NECTIN3: variants seen among roughly 807,000 people sequenced by gnomAD.
The protein encoded by NECTIN3 is nectin-3.
In NECTIN3, 8 loss-of-function variants were observed where a neutral mutation model predicts 49.4. The observed-to-expected ratio is 0.16, with a 90% CI of 0.10 to 0.29. The LOEUF (loss-of-function observed/expected upper bound fraction) is 0.29, where lower values mean the gene tolerates loss of function less well. Ranked by LOEUF, NECTIN3 falls within the 10% of genes least tolerant of loss-of-function variation. The pLI is 1.00. For missense variants in NECTIN3, 581 were observed against 654.6 expected (o/e 0.89, Z 1.23); for synonymous variants, 277 against 241.1 (o/e 1.15, Z -1.38).
In NECTIN3 at chr3:111,112,097, A is replaced by G. The variant is rs1346980418; in HGVS notation, c.228A>G (p.Leu76=). Residue 76 remains leucine, a synonymous_variant, in exon 2 of 6, where the codon TTA becomes TTG. Coordinates refer to ENST00000485303, the MANE Select transcript of NECTIN3 (RefSeq NM_015480.3). ...VTAVWGKNVS[L]KCLIEVNETI... Reference sequence around the variant, plus strand: ...CAGTATGGGGAAAGAATGTTTCATTAAAGTGTTTAATTGAAGTAAATGAAA... The same window carrying G: ...CAGTATGGGGAAAGAATGTTTCATTGAAGTGTTTAATTGAAGTAAATGAAA... The G allele has an allele frequency of 6.2e-7, 1 of 1,613,798 alleles. No individual in the cohort carries two copies. Among genetic ancestry groups the G allele is most frequent in the East Asian group, 2.2e-5 (1 of 44,868 alleles).
At chr3:111,141,527 A>T (rs533842030), downstream of NECTIN3, among the ~76,000 whole-genome samples, 3 of 152,030 alleles carry the variant, frequency 2.0e-5, no homozygotes, top group South Asian at 6.2e-4. Context: ...GTCATTTCTT[A>T]TATTCATTTT....
intron 1 of NECTIN3, among the ~76,000 whole-genome samples, chr3:111,083,258 G>T (rs997263275): frequency 6.6e-6 from 1 of 152,136 alleles, no homozygotes; most frequent in African/African-American, 2.4e-5. Context: ...AGAGTAATTT[G>T]TGAGGGAACA....
chr3:111,135,309 C>T lies in NECTIN3; in HGVS notation c.*1094C>T, dbSNP rs1262651447. On this transcript the variant is annotated 3_prime_UTR_variant, in exon 6 of 6. Transcript: ENST00000485303. ...ACACTTGCTAATGGACATTGGCATT[C>T]ATCTCCTTTTTCCTCCTAAGTGTAT... is the stretch of plus-strand genomic sequence containing the variant. 1.0e-6 allele frequency: 1 copy of T among 957,022 alleles called. No homozygotes were observed. The highest frequency in any genetic ancestry group is 6.2e-5 in the Admixed American group (1 of 16,152). The allele number at this position is 957,022 out of a possible 1,614,324, so 59.3% of individuals were successfully genotyped here.
chr3:111,097,613 C>T lies in NECTIN3; in HGVS notation c.161-14417C>T, dbSNP rs542790632. 2.6e-3 allele frequency among the ~76,000 whole-genome samples: 399 copies of T among 152,256 alleles called. 2 individuals carry two copies. The highest frequency in any genetic ancestry group is 9.0e-3 in the African/African-American group (375 of 41,556). ...ATCATGGGGGCAGATCTTTCCTGTGCTGTTCTTGTGTTAGTGAATAAGTCT... is the reference window on the plus strand; with the variant it reads ...ATCATGGGGGCAGATCTTTCCTGTGTTGTTCTTGTGTTAGTGAATAAGTCT... On this transcript the variant is annotated intron_variant, in intron 1 of 5. Transcript: ENST00000485303.
chr3:111,135,742 G>C lies in NECTIN3; in HGVS notation c.*1527G>C, dbSNP rs1172381756. 41 of 962,412 alleles carry C rather than the reference G, an allele frequency of 4.3e-5. No individual in the cohort carries two copies. Among genetic ancestry groups the C allele is most frequent in the Non-Finnish European group, 5.1e-5 (41 of 809,424 alleles). 59.6% of individuals were successfully genotyped at this position (962,412 alleles called of 1,614,324 possible). A position where few individuals can be genotyped will look rare whatever the true frequency, so the allele number is the denominator to read the frequency against. On this transcript the variant is annotated 3_prime_UTR_variant, in exon 6 of 6. Coordinates refer to ENST00000485303, the MANE Select transcript of NECTIN3 (RefSeq NM_015480.3). ...TATTCATCAAATCTAAAACATTTAG[G>C]GGGCAAAATTCTAACATGTTCATGG...
At chr3:111,170,547 G>A (rs2035415972) in intron 7 of NECTIN3, among the ~76,000 whole-genome samples, 1 of 152,182 alleles carries the variant, frequency 6.6e-6, no homozygotes, top group Non-Finnish European at 1.5e-5. Flanking sequence ...AGGGGAGAAA[G>A]ACTGGGCTTA....
At chr3:111,141,624 CTTG>C (rs1018309135), downstream of NECTIN3, among the ~76,000 whole-genome samples, 18 of 151,894 alleles carry the variant, frequency 1.2e-4, no homozygotes, top group Middle Eastern at 6.8e-3. Context: ...TCAGTATACT[CTTG>C]TTGTGTTGGA....
intron 5 of NECTIN3, among the ~76,000 whole-genome samples, chr3:111,131,521 T>C (rs971731106): frequency 1.3e-5 from 2 of 152,080 alleles, no homozygotes; most frequent in Admixed American, 6.5e-5. Context: ...TGGAATGATA[T>C]TACTAGTGAG....
At chr3:111,167,539 A>G (rs1200259654) in intron 7 of NECTIN3, among the ~76,000 whole-genome samples, 8 of 152,242 alleles carry the variant, frequency 5.3e-5, no homozygotes, top group Admixed American at 5.2e-4. Context: ...AAACAATAAA[A>G]GCTCAATTTT....
chr3:111,104,060 G>T (rs1269162380), intron 1 of NECTIN3, among the ~76,000 whole-genome samples: 3 of 152,114 alleles, frequency 2.0e-5, no homozygotes, highest in Non-Finnish European at 4.4e-5. Context: ...GGATCATATG[G>T]TATGTTTAAC....
intron 1 of NECTIN3, chr3:111,193,427 T>C (rs545813691): frequency 4.5e-5 from 67 of 1,500,932 alleles, no homozygotes; most frequent in African/African-American, 3.6e-4. Context: ...TATTCTTAGA[T>C]TGGGGAGAGA....
chr3:111,171,688 C>T (rs1381057100), intron 7 of NECTIN3, among the ~76,000 whole-genome samples: 2 of 151,174 alleles, frequency 1.3e-5, no homozygotes, highest in Non-Finnish European at 2.9e-5. Context: ...GACCCTACTG[C>T]ACATGTGGGT....
intron 5 of NECTIN3, among the ~76,000 whole-genome samples, chr3:111,127,438 C>T (rs910676140): frequency 2.7e-5 from 4 of 149,368 alleles, no homozygotes; most frequent in Admixed American, 1.3e-4. Flanking sequence ...AGCATTGTGC[C>T]TGGCACATGA....
chr3:111,097,139 T>G (rs2032633737), intron 1 of NECTIN3, among the ~76,000 whole-genome samples: 1 of 152,192 alleles, frequency 6.6e-6, no homozygotes, highest in South Asian at 2.1e-4. Context: ...TGGGAACCCA[T>G]CTGTTGTATC....
chr3:111,108,084 G>A (rs1308940301), intron 1 of NECTIN3, among the ~76,000 whole-genome samples: 1 of 151,928 alleles, frequency 6.6e-6, no homozygotes, highest in African/African-American at 2.4e-5. Flanking sequence ...GTAAAACTCA[G>A]AATACAGAAA....
At chr3:111,105,113 T>C (rs1427593880) in intron 1 of NECTIN3, among the ~76,000 whole-genome samples, 1 of 151,034 alleles carries the variant, frequency 6.6e-6, no homozygotes, top group Non-Finnish European at 1.5e-5. Context: ...TTTTTTTCTT[T>C]TTTGTTTTCT....
intron 1 of NECTIN3, among the ~76,000 whole-genome samples, chr3:111,080,841 T>C (rs2031552947): frequency 6.6e-6 from 1 of 152,216 alleles, no homozygotes; most frequent in East Asian, 1.9e-4. Flanking sequence ...CATGCTTATA[T>C]ATCAAATGAC....
intron 2 of NECTIN3, among the ~76,000 whole-genome samples, chr3:111,118,279 T>TATATATATATAC: frequency 1.4e-5 from 2 of 139,538 alleles, no homozygotes; most frequent in Non-Finnish European, 3.2e-5. Context: ...TATATATATA[T>TATATATATATAC]ATATTATACA....
intron 7 of NECTIN3, among the ~76,000 whole-genome samples, chr3:111,157,318 A>G (rs1241526969): frequency 6.6e-6 from 1 of 152,184 alleles, no homozygotes; most frequent in Non-Finnish European, 1.5e-5. Context: ...ATTCATATTC[A>G]GGATCATTCT....
Sources: allele counts gnomAD v4.1 joint callset (sites outside exome capture counted in the v4.1 genomes callset), GRCh38; gene constraint gnomAD v4.1.1; transcripts MANE v1.5; gene names NCBI Gene and HGNC (gene_info 2026-07-23, HGNC 2026-07-21).